KIF1C: variants seen among roughly 807,000 people sequenced by gnomAD.
KIF1C encodes the protein kinesin family member 1C.
Under a neutral mutation model 126.5 loss-of-function variants are expected in KIF1C, and 61 were observed. The observed-to-expected ratio is 0.48, with a 90% confidence interval of 0.39 to 0.60. The LOEUF (loss-of-function observed/expected upper bound fraction) is 0.60. Ranked by LOEUF, KIF1C falls within the 20% of genes least tolerant of loss-of-function variation. The pLI, the probability that KIF1C is intolerant of heterozygous loss-of-function variation, is 0.00. For missense variants in KIF1C, 1,315 were observed against 1,489.2 expected, an observed-to-expected ratio of 0.88 and a Z score of 1.93; for synonymous variants, 640 against 580.6, an observed-to-expected ratio of 1.10 and a Z score of -1.47.
At chr17:5,015,843 AC>A in intron 18 of KIF1C, among the ~76,000 whole-genome samples, 1 of 148,684 alleles carries the variant, frequency 6.7e-6, no homozygotes, top group South Asian at 2.1e-4. Flanking sequence ...TGATCCGCCC[AC>A]CTTGGCCTCC....
In KIF1C at chr17:5,002,792, G is replaced by C; in HGVS notation, c.670G>C (p.Val224Leu). Residue 224 changes from valine (V) to leucine (L), a missense_variant, in exon 8 of 23, where the codon GTC becomes CTC. This residue lies in a region of KIF1C where 874 missense variants were observed against 1,053.2 expected (regional missense o/e 0.83). Transcript: ENST00000320785. Reference sequence around the variant, plus strand: ...CCGTTCCCATGCCGTCTTTACCATCGTCTTCACACAGCGCTGCCATGACCA... The same window carrying C: ...CCGTTCCCATGCCGTCTTTACCATCCTCTTCACACAGCGCTGCCATGACCA... The part of the protein sequence containing the change: ...SSRSHAVFTI[V>L]FTQRCHDQLT... 1 of 1,613,778 alleles carries C rather than the reference G, an allele frequency of 6.2e-7. No homozygotes were observed. Among genetic ancestry groups the C allele is most frequent in the Non-Finnish European group, 8.5e-7 (1 of 1,179,966 alleles).
chr17:4,998,667 A>T (rs1031240000), intron 1 of KIF1C, among the ~76,000 whole-genome samples: 1 of 152,132 alleles, frequency 6.6e-6, no homozygotes, highest in East Asian at 1.9e-4. Flanking sequence ...TTCCTGAGCC[A>T]GCTTCTGTGA....
At chr17:5,006,030 A>C (rs1466465809) in intron 13 of KIF1C, among the ~76,000 whole-genome samples, 1 of 151,532 alleles carries the variant, frequency 6.6e-6, no homozygotes, top group Non-Finnish European at 1.5e-5. Context: ...AACATGGTGA[A>C]ACCCCGTCTC....
chr17:4,998,392 C>T (rs1436570031), intron 1 of KIF1C, among the ~76,000 whole-genome samples: 4 of 152,192 alleles, frequency 2.6e-5, no homozygotes, highest in South Asian at 2.1e-4. Context: ...TGAGAACCGC[C>T]GGGTGGGCAA....
chr17:5,015,527 G>T (rs940385011), intron 18 of KIF1C, among the ~76,000 whole-genome samples: 5 of 147,898 alleles, frequency 3.4e-5, no homozygotes, highest in Admixed American at 3.4e-4. Flanking sequence ...CAGGTGATCC[G>T]CCTGCCTCGG....
At position 5,022,215 on chromosome 17, in the gene KIF1C, G is replaced by T; in HGVS notation, c.2134G>T (p.Gly712Cys). 6.2e-7 allele frequency: 1 copy of T among 1,614,154 alleles called. No individual in the cohort carries two copies. Residue 712 changes from glycine (G) to cysteine (C), a missense_variant, in exon 22 of 23, where the codon GGT becomes TGT. Physicochemically the swap from Gly to Cys is radical, Grantham distance 159 (BLOSUM62 -3). Around this residue, in one of 2 missense-constraint regions of KIF1C, gnomAD observed 874 missense variants for 1,053.2 expected, o/e 0.83. Transcript: ENST00000320785. This position sits in a 1 kb window ranked among gnomAD's most constrained non-coding sequence, Gnocchi z 4.9. The part of the protein sequence containing the change: ...TTVQTIVKRC[G>C]LPSSGKRRAP... ...GGTCCAGACCATTGTCAAACGCTGT[G>T]GTCTGCCCAGCAGTGGCAAGCGCAG...
chr17:5,008,158 C>T (rs1004063753), intron 16 of KIF1C, among the ~76,000 whole-genome samples: 5 of 152,056 alleles, frequency 3.3e-5, no homozygotes, highest in South Asian at 2.1e-4. Flanking sequence ...ACGTGCCTGC[C>T]GCCAGGTTTT....
At chr17:5,015,990 T>C (rs1436046986) in intron 18 of KIF1C, among the ~76,000 whole-genome samples, 1 of 151,898 alleles carries the variant, frequency 6.6e-6, no homozygotes, top group East Asian at 1.9e-4. Context: ...AAAGTCTCTG[T>C]GAAAATGAGT....
At position 5,023,926 on chromosome 17, in the gene KIF1C, C is replaced by T. The variant is rs1000249874; in HGVS notation, c.3087C>T (p.Pro1029=). The change falls in exon 23 of 23, where the codon CCC becomes CCT. Residue 1029 remains proline (P), a synonymous_variant. Transcript: ENST00000320785. This position sits in a 1 kb window ranked among gnomAD's most constrained non-coding sequence, Gnocchi z 4.2. ...CGAGTCCCCGAAGGTCCCACCATCC[C>T]CGCAGGAACTCCCTGGATGGAGGGG... ...RPPSPRRSHH[P]RRNSLDGGGR... is the part of the protein sequence containing the mutation. 3 of 1,569,986 alleles carry T rather than the reference C, an allele frequency of 1.9e-6. No homozygotes were observed. Among genetic ancestry groups the T allele is most frequent in the Non-Finnish European group, 2.6e-6 (3 of 1,157,608 alleles).
In KIF1C at chr17:4,999,857, C is replaced by T. The variant is rs758681327; in HGVS notation, c.-141C>T. The T allele has an allele frequency of 7.7e-5, 16 of 208,380 alleles. No homozygotes were observed. The highest frequency in any genetic ancestry group is 1.1e-4 in the Non-Finnish European group (11 of 101,316). The allele number at this position is 208,380 out of a possible 1,614,324, so 12.9% of individuals were successfully genotyped here. On this transcript the variant is annotated 5_prime_UTR_variant, in exon 2 of 23. Transcript: ENST00000320785. Reference sequence around the variant, plus strand: ...CTCTTCCCCCGCAATCAGGGTATCTCCCAGAGCCCCAGCTGGTGTGGCCAG... The same window carrying T: ...CTCTTCCCCCGCAATCAGGGTATCTTCCAGAGCCCCAGCTGGTGTGGCCAG...
In KIF1C at chr17:5,002,816, C is replaced by G; in HGVS notation, c.694C>G (p.Gln232Glu). 1.9e-6 allele frequency: 3 copies of G among 1,613,586 alleles called. No individual in the cohort carries two copies. Among genetic ancestry groups the G allele is most frequent in the Non-Finnish European group, 2.5e-6 (3 of 1,179,882 alleles). ...TIVFTQRCHD[Q>E]LTGLDSEKVS... ...CGTCTTCACACAGCGCTGCCATGAC[C>G]AGCTCACGGGGCTGGACTCGGAGAA... The change falls in exon 8 of 23, where the codon CAG becomes GAG. Residue 232 changes from glutamine (Q) to glutamate (E), a missense_variant. Gln to Glu is a conservative substitution (Grantham distance 29). Around this residue, in one of 2 missense-constraint regions of KIF1C, gnomAD observed 874 missense variants for 1,053.2 expected, o/e 0.83. Transcript: ENST00000320785.
At chr17:5,000,720 C>A in intron 3 of KIF1C, 52 bp from the exon 4 acceptor site, 1 of 1,541,302 alleles carries the variant, frequency 6.5e-7, no homozygotes, top group Non-Finnish European at 9.0e-7. Context: ...TGGGCAGGGA[C>A]TGGGAATACC....
chr17:5,011,295 C>G (rs1386259121), intron 16 of KIF1C, among the ~76,000 whole-genome samples: 1 of 152,036 alleles, frequency 6.6e-6, no homozygotes, highest in Non-Finnish European at 1.5e-5. Flanking sequence ...TTGGAGGGAG[C>G]CTCCTCTTGC....
At chr17:5,016,280 G>T (rs935344472) in intron 18 of KIF1C, among the ~76,000 whole-genome samples, 1 of 151,892 alleles carries the variant, frequency 6.6e-6, no homozygotes, top group East Asian at 2.0e-4. Flanking sequence ...TGGGACTACA[G>T]GTGTGCGCCA....
Position 5,023,390 on chromosome 17 carries a change from GGTCCCTCTTGAATCCACAT to G in KIF1C, c.2629-73_2629-55del. On this transcript the variant is annotated intron_variant, in intron 22 of 22. Coordinates refer to ENST00000320785, the MANE Select transcript of KIF1C (RefSeq NM_006612.6). This position sits in a 1 kb window ranked among gnomAD's most constrained non-coding sequence, Gnocchi z 4.2. The stretch of plus-strand genomic sequence containing the variant: ...GACCCTTTGACATCCAGCCACTCCA[GGTCCCTCTTGAATCCACAT>G]GTCCTGAGGATTCAGCTCTCCTCAC... 4 of 1,237,320 alleles carry G rather than the reference GGTCCCTCTTGAATCCACAT, an allele frequency of 3.2e-6. No homozygotes were observed. Among genetic ancestry groups the G allele is most frequent in the South Asian group, 1.3e-5 (1 of 74,630 alleles). The allele number at this position is 1,237,320 out of a possible 1,614,324, so 76.6% of individuals were successfully genotyped here.
Position 5,003,655 on chromosome 17 carries a change from C to G in KIF1C, c.764C>G (p.Ala255Gly), listed in dbSNP as rs751686969. 6 of 1,613,566 alleles carry G rather than the reference C, an allele frequency of 3.7e-6. No homozygotes were observed. Residue 255 changes from alanine to glycine, a missense_variant, in exon 9 of 23, where the codon GCC becomes GGC. Around this residue, in one of 2 missense-constraint regions of KIF1C, gnomAD observed 874 missense variants for 1,053.2 expected, o/e 0.83. Transcript: ENST00000320785. ...GTGGACCTTGCTGGGAGTGAGCGAGCCGACTCCTCAGGGGCCCGGGGCATG... is the reference window on the plus strand; with the variant it reads ...GTGGACCTTGCTGGGAGTGAGCGAGGCGACTCCTCAGGGGCCCGGGGCATG... ...SLVDLAGSER[A>G]DSSGARGMRL...
Position 5,023,897 on chromosome 17 carries a change from C to A in KIF1C, c.3058C>A (p.Pro1020Thr). 6.4e-7 allele frequency: 1 copy of A among 1,550,524 alleles called. No homozygotes were observed. Residue 1020 changes from proline to threonine, a missense_variant, in exon 23 of 23, where the codon CCT becomes ACT. Pro to Thr is a conservative substitution (Grantham distance 38). Coordinates refer to ENST00000320785, the MANE Select transcript of KIF1C (RefSeq NM_006612.6). This position sits in a 1 kb window ranked among gnomAD's most constrained non-coding sequence, Gnocchi z 4.2. ...TPHPATPARR[P>T]PSPRRSHHPR... ...CCATCCAGCCACCCCTGCCCGCCGG[C>A]CTCCGAGTCCCCGAAGGTCCCACCA...
At position 5,024,055 on chromosome 17, in the gene KIF1C, G is replaced by T; in HGVS notation, c.3216G>T (p.Arg1072=). 1 of 1,583,996 alleles carries T rather than the reference G, an allele frequency of 6.3e-7. No homozygotes were observed. Among genetic ancestry groups the T allele is most frequent in the Non-Finnish European group, 8.6e-7 (1 of 1,165,322 alleles). ...CACCCCAACCCTACCCAGCCCAGCGGCCCCCAGGGCCCCGCTACCCCCCAT... is the reference window on the plus strand; with the variant it reads ...CACCCCAACCCTACCCAGCCCAGCGTCCCCCAGGGCCCCGCTACCCCCCAT... ...PQPPQPYPAQ[R]PPGPRYPPYT... The change falls in exon 23 of 23, where the codon CGG becomes CGT. Residue 1072 remains arginine, a synonymous_variant. Transcript: ENST00000320785.
chr17:5,007,686 CT>C (rs1974767957), intron 16 of KIF1C, 144 bp downstream of exon 16: 1 of 558,134 alleles, frequency 1.8e-6, no homozygotes, highest in Non-Finnish European at 3.1e-6. Flanking sequence ...GTCCCCTCCC[CT>C]GCCACCTCCT....
Sources: allele counts gnomAD v4.1 joint callset (sites outside exome capture counted in the v4.1 genomes callset), GRCh38; gene constraint gnomAD v4.1.1; regional missense constraint gnomAD v4.1.1; non-coding constraint Gnocchi (gnomAD v3.1); transcripts MANE v1.5; gene names NCBI Gene and HGNC (gene_info 2026-07-23, HGNC 2026-07-21).